Variants in CCAR2 observed in about 807,000 individuals in gnomAD.
CCAR2 encodes the protein cell cycle and apoptosis regulator protein 2.
In CCAR2, 21 loss-of-function variants were observed where a neutral mutation model predicts 108.1. The observed-to-expected ratio is 0.19, with a 90% CI of 0.14 to 0.28. CCAR2 has a LOEUF of 0.28. Ranked by LOEUF, CCAR2 falls within the 10% of genes least tolerant of loss-of-function variation. The pLI, the probability that CCAR2 is intolerant of heterozygous loss-of-function variation, is 1.00. For synonymous variants in CCAR2, 577 were observed against 472.8 expected (o/e 1.22, Z -2.86); for missense variants, 1,126 against 1,177.0 (o/e 0.96, Z 0.63).
intron 7 of CCAR2, among the ~76,000 whole-genome samples, chr8:22,609,958 A>C (rs1054352738): frequency 1.4e-5 from 2 of 140,122 alleles, no homozygotes; most frequent in Non-Finnish European, 3.2e-5. Context: ...TTGAGTGCTG[A>C]CATGGCACTC....
chr8:22,613,223 G>T (rs1402408406), intron 8 of CCAR2, 87 bp downstream of exon 8: 2 of 1,333,938 alleles, frequency 1.5e-6, no homozygotes, highest in African/African-American at 1.5e-5. Flanking sequence ...AAGTGCACAT[G>T]TATGTTCTTA....
chr8:22,619,581 C>T (rs1801676048), intron 20 of CCAR2, 57 bp from the exon 21 acceptor site: 3 of 1,540,344 alleles, frequency 1.9e-6, no homozygotes, highest in South Asian at 2.4e-5. Flanking sequence ...CCGCAGTCCG[C>T]AGTCCTCAGA....
intron 7 of CCAR2, among the ~76,000 whole-genome samples, chr8:22,608,722 G>A (rs1485052738): frequency 6.6e-6 from 1 of 152,180 alleles, no homozygotes; most frequent in Admixed American, 6.5e-5. Context: ...CTCCCTGAGT[G>A]TTTTGCTTAT....
At position 22,614,074 on chromosome 8, in the gene CCAR2, C is replaced by A; in HGVS notation, c.705-18C>A. The A allele has an allele frequency of 6.2e-7, 1 of 1,607,350 alleles. No homozygotes were observed. The highest frequency in any genetic ancestry group is 1.1e-5 in the South Asian group (1 of 90,990). Reference sequence around the variant, plus strand: ...TTAGTCTTTGCTCAGTCTGGATTCCCTTGCTGTCTTCCTGTAGCCCCATCT... The same window carrying A: ...TTAGTCTTTGCTCAGTCTGGATTCCATTGCTGTCTTCCTGTAGCCCCATCT... On this transcript the variant is annotated intron_variant, in intron 8 of 20. Transcript: ENST00000308511.
At chr8:22,615,332 G>C in intron 11 of CCAR2, 93 bp from the exon 12 acceptor site, 6 of 1,451,744 alleles carry the variant, frequency 4.1e-6, no homozygotes, top group Non-Finnish European at 5.6e-6. Context: ...TGCTCATTGA[G>C]TGCTGACTGG....
intron 6 of CCAR2, 148 bp from the exon 7 acceptor site, chr8:22,607,817 GGTTT>G: frequency 1.6e-6 from 1 of 641,596 alleles, no homozygotes; most frequent in East Asian, 2.7e-5. Flanking sequence ...GTGGAGACGG[GGTTT>G]CACCATGTTC....
In CCAR2 at chr8:22,614,401, C is replaced by T. The variant is rs201513971; in HGVS notation, c.939C>T (p.Leu313=). 5.5e-5 allele frequency: 88 copies of T among 1,614,194 alleles called. No homozygotes were observed. The highest frequency in any genetic ancestry group is 6.9e-5 in the Non-Finnish European group (82 of 1,180,032). ...DPAYSSKVLL[L]SSPGLEELYR... is the part of the protein sequence containing the mutation. The stretch of plus-strand genomic sequence containing the variant: ...CTCCTCCTGCACAGGTACTGCTGCT[C>T]TCTTCCCCGGGGTTGGAGGAATTGT... The change falls in exon 10 of 21, where the codon CTC becomes CTT. Residue 313 remains leucine (L), a synonymous_variant. Coordinates refer to ENST00000308511, the MANE Select transcript of CCAR2 (RefSeq NM_001393997.1).
rs1441521058 is a variant in CCAR2, at chr8:22,619,462, A to T, written c.2727+107A>T. 2.1e-6 allele frequency: 3 copies of T among 1,437,530 alleles called. No individual in the cohort carries two copies. The East Asian group carries it at 7.5e-5, about 36-fold the overall frequency. 89.0% of individuals were successfully genotyped at this position (1,437,530 alleles called of 1,614,324 possible). ...GGGAGTGACCAGAGGGCCAGCAGGCACCGGCTTCGTCTTTCCATCGCTTGC... is the reference window on the plus strand; with the variant it reads ...GGGAGTGACCAGAGGGCCAGCAGGCTCCGGCTTCGTCTTTCCATCGCTTGC... On this transcript the variant is annotated intron_variant, in intron 20 of 20. Coordinates refer to ENST00000308511, the MANE Select transcript of CCAR2 (RefSeq NM_001393997.1).
chr8:22,608,032 G>A lies in CCAR2; in HGVS notation c.551G>A (p.Arg184Gln), dbSNP rs1212984848. 1 of 1,613,868 alleles carries A rather than the reference G, an allele frequency of 6.2e-7. No individual in the cohort carries two copies. The highest frequency in any genetic ancestry group is 2.2e-5 in the East Asian group (1 of 44,876). Residue 184 changes from arginine (R) to glutamine (Q), a missense_variant, in exon 7 of 21, where the codon CGG becomes CAG. By Grantham distance (43) the Arg-to-Gln change is conservative. This residue lies in a region of CCAR2 where 1,013 missense variants were observed against 993.9 expected (regional missense o/e 1.02). Coordinates refer to ENST00000308511, the MANE Select transcript of CCAR2 (RefSeq NM_001393997.1). ...HLSHLNRFPA[R>Q]GPHGRLDQGR... ...AGCCACCTGAACAGATTTCCTGCCC[G>A]GGGCCCTCATGGACGGTTGGATCAG...
At chr8:22,616,362 C>CGGCAT (rs1801509605) in intron 14 of CCAR2, 114 bp downstream of exon 14, 4 of 972,070 alleles carry the variant, frequency 4.1e-6, no homozygotes, top group African/African-American at 3.2e-5. Flanking sequence ...CACCCTTGCT[C>CGGCAT]GGCATGGACT....
chr8:22,621,284 G>A (rs1801796583), downstream of CCAR2: 17 of 1,181,194 alleles, frequency 1.4e-5, no homozygotes, highest in Non-Finnish European at 1.9e-5. Context: ...CTCAGGAAGA[G>A]TCATTCATTG....
Position 22,614,205 on chromosome 8 carries a change from T to C in CCAR2, c.818T>C (p.Phe273Ser). 6.2e-7 allele frequency: 1 copy of C among 1,614,106 alleles called. No homozygotes were observed. Among genetic ancestry groups the C allele is most frequent in the South Asian group, 1.1e-5 (1 of 91,082 alleles). ...WLSAFPLSQPFSLHHPSRIQV... is the reference protein window; with the variant it reads ...WLSAFPLSQPSSLHHPSRIQV... ...TCAGCCTTCCCCCTGAGCCAGCCCTTTTCCCTCCATCATCCAAGCCGGATC... is the reference window on the plus strand; with the variant it reads ...TCAGCCTTCCCCCTGAGCCAGCCCTCTTCCCTCCATCATCCAAGCCGGATC... Residue 273 changes from phenylalanine (F) to serine (S), a missense_variant, in exon 9 of 21, where the codon TTT becomes TCT. By Grantham distance (155) the Phe-to-Ser change is radical. This residue lies in a region of CCAR2 where 1,013 missense variants were observed against 993.9 expected (regional missense o/e 1.02). Transcript: ENST00000308511.
chr8:22,616,378 CG>C (rs1263698274), intron 14 of CCAR2, 130 bp downstream of exon 14: 13 of 825,546 alleles, frequency 1.6e-5, no homozygotes, highest in Non-Finnish European at 2.3e-5. Context: ...GGACTGAGGC[CG>C]CACAGCTAGT....
chr8:22,605,245 C>G (rs79550139), intron 1 of CCAR2: 4,394 of 165,726 alleles, frequency 0.027, 221 homozygotes, highest in African/African-American at 0.097. Flanking sequence ...CCCACACAGT[C>G]TCCTCGCCGG....
chr8:22,606,536 A>T lies in CCAR2; in HGVS notation c.151-71A>T, dbSNP rs1801086400. ...GAGCTGGGGCGTGGGTTGAGATGAGACCTTCATGGCAGAGTGTGATTTTGT... is the reference window on the plus strand; with the variant it reads ...GAGCTGGGGCGTGGGTTGAGATGAGTCCTTCATGGCAGAGTGTGATTTTGT... On this transcript the variant is annotated intron_variant, in intron 3 of 20. Coordinates refer to ENST00000308511, the MANE Select transcript of CCAR2 (RefSeq NM_001393997.1). 4.0e-6 allele frequency: 5 copies of T among 1,241,434 alleles called. No individual in the cohort carries two copies. In the African/African-American group the frequency reaches 5.9e-5, roughly 15 times the overall value. The allele number at this position is 1,241,434 out of a possible 1,614,324, so 76.9% of individuals were successfully genotyped here.
In CCAR2 at chr8:22,616,178, A is replaced by G. The variant is rs1801500041; in HGVS notation, c.1775A>G (p.Glu592Gly). The change falls in exon 14 of 21, where the codon GAG becomes GGG. Residue 592 changes from glutamate to glycine, a missense_variant. By Grantham distance (98) the Glu-to-Gly change is moderately conservative. Around this residue, in one of 4 missense-constraint regions of CCAR2, gnomAD observed 1,013 missense variants for 993.9 expected, o/e 1.02. Transcript: ENST00000308511. ...ACCAAGGAGGAAGAAGCCATCAAAG[A>G]GGAGGTGGTCAAGGAGCCCAAGGAT... Reference protein sequence around the residue: ...EATKEEEAIKEEVVKEPKDEA... With the variant: ...EATKEEEAIKGEVVKEPKDEA... 1.9e-6 allele frequency: 3 copies of G among 1,613,894 alleles called. No individual in the cohort carries two copies. Among genetic ancestry groups the G allele is most frequent in the Middle Eastern group, 3.3e-4 (2 of 6,054 alleles).
chr8:22,614,824 A>AT lies in CCAR2; in HGVS notation c.1042-13dup. 1 of 1,613,790 alleles carries AT rather than the reference A, an allele frequency of 6.2e-7. No homozygotes were observed. Among genetic ancestry groups the AT allele is most frequent in the Non-Finnish European group, 8.5e-7 (1 of 1,179,978 alleles). On this transcript the variant is annotated splice_polypyrimidine_tract_variant and intron_variant, in intron 10 of 20. Transcript: ENST00000308511. ...TGTAGTTTTTTGTTTTGTATCCCTG[A>AT]TCTCTTCTTGCAGTTTTTGCTGGGC...
chr8:22,609,497 G>C (rs1331700768), intron 7 of CCAR2, among the ~76,000 whole-genome samples: 1 of 152,098 alleles, frequency 6.6e-6, no homozygotes, highest in Non-Finnish European at 1.5e-5. Flanking sequence ...TGTTTGCCAT[G>C]GGGTTTCCAC....
Position 22,608,543 on chromosome 8 carries a change from C to T in CCAR2, c.584+478C>T, listed in dbSNP as rs1163398797. Among the ~76,000 whole-genome samples the T allele has an allele frequency of 3.9e-5, 6 of 152,286 alleles. No homozygotes were observed. The East Asian group carries it at 7.7e-4, about 20-fold the overall frequency. On this transcript the variant is annotated intron_variant, in intron 7 of 20. Transcript: ENST00000308511. Reference sequence around the variant, plus strand: ...CACTCTGCCTGGGAGTTCAGGCCCCCGTGCCTTGGACACACAGGTAGCTTT... The same window carrying T: ...CACTCTGCCTGGGAGTTCAGGCCCCTGTGCCTTGGACACACAGGTAGCTTT...
Sources: allele counts gnomAD v4.1 joint callset (sites outside exome capture counted in the v4.1 genomes callset), GRCh38; gene constraint gnomAD v4.1.1; regional missense constraint gnomAD v4.1.1; transcripts MANE v1.5; gene names NCBI Gene and HGNC (gene_info 2026-07-23, HGNC 2026-07-21).